The following GCNA variants were observed in gnomAD, a reference collection of about 807,000 sequenced individuals.
The protein encoded by GCNA is germ cell nuclear acidic protein.
In GCNA, 3 loss-of-function variants were observed where a neutral mutation model predicts 38.8. The ratio of observed to expected loss-of-function variants is 0.08; its 90% CI spans 0.04 to 0.20. The LOEUF (loss-of-function observed/expected upper bound fraction) is 0.20, where lower values mean the gene tolerates loss of function less well. Ranked by LOEUF, GCNA falls within the 10% of genes least tolerant of loss-of-function variation. GCNA has a pLI of 1.00. For synonymous variants in GCNA, 195 were observed against 240.2 expected, an observed-to-expected ratio of 0.81 and a Z score of 1.74; for missense variants, 446 against 578.6, an observed-to-expected ratio of 0.77 and a Z score of 2.35.
intron 2 of GCNA, among the ~76,000 whole-genome samples, chrX:71,582,340 T>C (rs768387097): frequency 1.8e-5 from 2 of 110,546 alleles, no homozygotes; most frequent in African/African-American, 6.6e-5. Context: ...GTTTTAATTA[T>C]ATTACTTCTC....
At chrX:71,592,837 T>C (rs962337290) in intron 4 of GCNA, among the ~76,000 whole-genome samples, 36 of 111,406 alleles carry the variant, frequency 3.2e-4, no homozygotes, top group African/African-American at 1.1e-3. Flanking sequence ...CAGGCTCTAC[T>C]AGTCTAAGCC....
intron 2 of GCNA, among the ~76,000 whole-genome samples, chrX:71,586,852 C>T (rs1251266697): frequency 9.0e-6 from 1 of 111,438 alleles, no homozygotes; most frequent in East Asian, 2.8e-4. Flanking sequence ...TCAGGTGATC[C>T]GCCTGCCTCA....
chrX:71,612,438 G>T lies in GCNA; in HGVS notation c.1834G>T (p.Ala612Ser). Residue 612 changes from alanine (A) to serine (S), a missense_variant, in exon 12 of 13, where the codon GCA becomes TCA. Transcript: ENST00000373696. The part of the protein sequence containing the change: ...IDGIHDSHGD[A>S]WKYYARKSNR... ...TGGTATCCATGATTCTCATGGTGAC[G>T]CATGGAAGTATTATGCCAGGAAATC... The T allele has an allele frequency of 8.3e-7, 1 of 1,207,575 alleles. No homozygotes were observed. Among genetic ancestry groups the T allele is most frequent in the Non-Finnish European group, 1.1e-6 (1 of 893,085 alleles).
At chrX:71,580,924 G>T (rs949075735) in intron 2 of GCNA, 44 bp downstream of exon 2, 1 of 1,115,711 alleles carries the variant, frequency 9.0e-7, no homozygotes, top group Non-Finnish European at 1.2e-6. Context: ...TAGTGTTACC[G>T]TATTGGCAAA....
At chrX:71,581,600 A>G (rs1332240847) in intron 2 of GCNA, among the ~76,000 whole-genome samples, 1 of 112,507 alleles carries the variant, frequency 8.9e-6, no homozygotes, top group Non-Finnish European at 1.9e-5. Flanking sequence ...ATCAATGGGG[A>G]AAAATATGGA....
intron 1 of GCNA, among the ~76,000 whole-genome samples, chrX:71,578,922 A>AG (rs1392193306): frequency 6.5e-5 from 2 of 30,679 alleles, no homozygotes; most frequent in East Asian, 1.5e-3. Context: ...GGAGAGAAGT[A>AG]GGGGCACCAG....
chrX:71,579,407 G>A (rs1251115067), intron 1 of GCNA, among the ~76,000 whole-genome samples: 2 of 94,644 alleles, frequency 2.1e-5, no homozygotes, highest in Non-Finnish European at 4.3e-5. Context: ...CAATGGGGGC[G>A]TTGAGGGAAG....
rs201497331 is a variant in GCNA at position 71,609,103 on chromosome X, G to A, written c.1597G>A (p.Val533Ile). 77 of 1,208,322 alleles carry A rather than the reference G, an allele frequency of 6.4e-5. No individual in the cohort carries two copies. In the Middle Eastern group the frequency reaches 2.8e-3, roughly 43 times the overall value. The change falls in exon 10 of 13, where the codon GTC (valine) becomes ATC (isoleucine). Residue 533 changes from valine (V) to isoleucine (I), a missense_variant. Val to Ile is a conservative substitution (Grantham distance 29, BLOSUM62 3). Coordinates refer to ENST00000373696, the MANE Select transcript of GCNA (RefSeq NM_052957.5). ...AATCTACGACCTGTTTAACAGATCC[G>A]TCTGTGATAAAAAGGTAGGATCAAT... ...QRIYDLFNRS[V>I]CDKKLPEKLR...
In GCNA at chrX:71,603,673, C is replaced by T. The variant is rs1602180568; in HGVS notation, c.396C>T (p.Asn132=). ...VISDDDNDDD[N]GNDLEVPDDN... ...GTGATGATGACAATGACGATGACAA[C>T]GGTAATGATTTGGAAGTTCCCGACG... Residue 132 remains asparagine, a synonymous_variant, in exon 8 of 13, where the codon AAC becomes AAT. Coordinates refer to ENST00000373696, the MANE Select transcript of GCNA (RefSeq NM_052957.5). 8.3e-7 allele frequency: 1 copy of T among 1,211,505 alleles called. No individual in the cohort carries two copies.
chrX:71,603,681 A>G lies in GCNA; in HGVS notation c.404A>G (p.Asp135Gly). The G allele has an allele frequency of 8.2e-7, 1 of 1,212,226 alleles. No individual in the cohort carries two copies. The highest frequency in any genetic ancestry group is 1.1e-6 in the Non-Finnish European group (1 of 895,656). The change falls in exon 8 of 13, where the codon GAT (aspartate) becomes GGT (glycine). Residue 135 changes from aspartate to glycine, a missense_variant. Transcript: ENST00000373696. ...GACAATGACGATGACAACGGTAATG[A>G]TTTGGAAGTTCCCGACGACAACAGT... is the stretch of plus-strand genomic sequence containing the variant. ...DDDNDDDNGN[D>G]LEVPDDNSDD...
intron 9 of GCNA, among the ~76,000 whole-genome samples, chrX:71,606,104 C>T: frequency 8.9e-6 from 1 of 112,673 alleles, no homozygotes; most frequent in Middle Eastern, 4.6e-3. Flanking sequence ...AGGCTGGATA[C>T]AGCCTCATGG....
chrX:71,583,792 G>A (rs997861785), intron 2 of GCNA, among the ~76,000 whole-genome samples: 4 of 105,031 alleles, frequency 3.8e-5, no homozygotes, highest in Non-Finnish European at 7.8e-5. Flanking sequence ...CTGCCTCCTG[G>A]GTTCAAGCAA....
Position 71,604,450 on chromosome X carries a change from A to G in GCNA, c.1173A>G (p.Glu391=), listed in dbSNP as rs1391942046. The change falls in exon 8 of 13, where the codon GAA becomes GAG. Residue 391 remains glutamate, a synonymous_variant. Coordinates refer to ENST00000373696, the MANE Select transcript of GCNA (RefSeq NM_052957.5). ...CAAGTGATCCTGAGGCTAACCCTGA[A>G]GTTTCAGAGAGAAAGCTGCCAACTG... is the stretch of plus-strand genomic sequence containing the variant. The part of the protein sequence containing the change: ...KPPSDPEANP[E]VSERKLPTEE... 4.1e-6 allele frequency: 5 copies of G among 1,206,108 alleles called. No homozygotes were observed. Among genetic ancestry groups the G allele is most frequent in the African/African-American group, 1.8e-5 (1 of 57,120 alleles).
intron 2 of GCNA, among the ~76,000 whole-genome samples, chrX:71,588,508 T>C (rs1280191219): frequency 8.9e-6 from 1 of 112,338 alleles, no homozygotes; most frequent in Non-Finnish European, 1.9e-5. Context: ...ATAATCTTTA[T>C]GATTTATAGT....
chrX:71,582,036 T>C (rs1033276122), intron 2 of GCNA, among the ~76,000 whole-genome samples: 1 of 109,594 alleles, frequency 9.1e-6, no homozygotes, highest in Non-Finnish European at 1.9e-5. Flanking sequence ...CCGGGCACAC[T>C]TTGGGAGGCA....
chrX:71,584,895 G>C (rs192832475), intron 2 of GCNA, among the ~76,000 whole-genome samples: 2 of 111,344 alleles, frequency 1.8e-5, no homozygotes, highest in East Asian at 5.7e-4. Flanking sequence ...AAAATGATTA[G>C]TGTTAATTCT....
At chrX:71,589,108 G>A (rs963330545) in intron 2 of GCNA, among the ~76,000 whole-genome samples, 2 of 110,024 alleles carry the variant, frequency 1.8e-5, no homozygotes, top group Non-Finnish European at 3.8e-5. Flanking sequence ...CTCCGGCCTC[G>A]ACCTCCCAAA....
rs1165547935 is a variant in GCNA, at chrX:71,592,106, T to C, written c.60-16T>C. The C allele has an allele frequency of 1.7e-6, 2 of 1,187,314 alleles. No homozygotes were observed. The highest frequency in any genetic ancestry group is 2.3e-6 in the Non-Finnish European group (2 of 876,572). On this transcript the variant is annotated splice_polypyrimidine_tract_variant and intron_variant, in intron 2 of 12. Transcript: ENST00000373696. ...GATAGCCCTCCTTTTATAAAGTATC[T>C]CTTTTATTTTTGCAGTTACATCCTT...
intron 10 of GCNA, 22 bp downstream of exon 10, chrX:71,609,139 T>G (rs2040791201): frequency 1.7e-6 from 2 of 1,184,729 alleles, no homozygotes; most frequent in South Asian, 3.6e-5. Context: ...GAATGAGCAC[T>G]GATTGAGCAC....
Sources: allele counts gnomAD v4.1 joint callset (sites outside exome capture counted in the v4.1 genomes callset), GRCh38; gene constraint gnomAD v4.1.1; transcripts MANE v1.5; gene names NCBI Gene and HGNC (gene_info 2026-07-23, HGNC 2026-07-21).